Variants in KCNC4 observed in about 807,000 individuals in gnomAD.
The protein encoded by KCNC4 is potassium voltage-gated channel subfamily C member 4.
In KCNC4, 23 loss-of-function variants were observed where a neutral mutation model predicts 42.8. The observed-to-expected ratio is 0.54, with a 90% CI of 0.39 to 0.76. The LOEUF (loss-of-function observed/expected upper bound fraction) is 0.76. Among genes scored for constraint, KCNC4 ranks in the 30% least tolerant of loss-of-function variants. The pLI is 0.00. For synonymous variants in KCNC4, 422 were observed against 393.5 expected (o/e 1.07, Z -0.86); for missense variants, 751 against 898.2 (o/e 0.84, Z 2.10).
rs1388702517 is a variant in KCNC4 at position 110,222,964 on chromosome 1, G to A, written c.679G>A (p.Val227Ile). Reference protein sequence around the residue: ...EDPYSSRAARVVAFASLFFIL... With the variant: ...EDPYSSRAARIVAFASLFFIL... ...CCCTGCTCTCCTCCCCTGCCCATAG[G>A]TAGTGGCCTTTGCCTCTCTCTTCTT... Residue 227 changes from valine to isoleucine, a missense_variant and splice_region_variant, in exon 2 of 4, where the codon GTA (valine) becomes ATA (isoleucine). Val to Ile is a conservative substitution (Grantham distance 29, BLOSUM62 3). Transcript: ENST00000438661. 2 of 1,611,708 alleles carry A rather than the reference G, an allele frequency of 1.2e-6. No homozygotes were observed.
In KCNC4 at chr1:110,279,591, G is replaced by C. The variant is rs57851583; in HGVS notation, n.31-2943G>C. Among the ~76,000 whole-genome samples the C allele has an allele frequency of 3.9e-3, 593 of 152,286 alleles. 5 individuals are homozygous for C. Among genetic ancestry groups the C allele is most frequent in the African/African-American group, 0.013 (560 of 41,538 alleles). On this transcript the variant is annotated intron_variant and non_coding_transcript_variant, in intron 1 of 2. Coordinates refer to the KCNC4 transcript ENST00000412512. ...TGGATAGAGTGATCCTGGGAAAGGAGAGATTTGAAAGAGCAAAGATGATAT... is the reference window on the plus strand; with the variant it reads ...TGGATAGAGTGATCCTGGGAAAGGACAGATTTGAAAGAGCAAAGATGATAT...
chr1:110,242,800 G>A (rs1027683643), exon 4 of KCNC4: 2 of 152,228 alleles, frequency 1.3e-5, no homozygotes, highest in Non-Finnish European at 2.9e-5. Context: ...TTTTACAGGT[G>A]AGGAAACTGG....
chr1:110,249,238 T>G (rs1435203783), downstream of KCNC4: 2 of 152,206 alleles, frequency 1.3e-5, no homozygotes, highest in Non-Finnish European at 2.9e-5. Context: ...CAGGCCCCTT[T>G]TTTTCTGGGG....
intron 1 of KCNC4, chr1:110,220,670 CTG>C (rs1658049198): frequency 6.6e-6 from 1 of 152,226 alleles, no homozygotes; most frequent in South Asian, 2.1e-4. Context: ...CTCAACCACT[CTG>C]TTTTTCAGGA....
intron 1 of KCNC4, among the ~76,000 whole-genome samples, chr1:110,258,245 C>T (rs1659369326): frequency 6.6e-6 from 1 of 152,074 alleles, no homozygotes; most frequent in Admixed American, 6.6e-5. Context: ...TTGTTTCCTG[C>T]TTCTTTTTTT....
chr1:110,264,177 G>A (rs928450638), intron 1 of KCNC4, among the ~76,000 whole-genome samples: 8 of 152,218 alleles, frequency 5.3e-5, no homozygotes, highest in African/African-American at 1.4e-4. Context: ...GAAGTCCTCA[G>A]TGGCTTACAG....
chr1:110,268,392 G>A (rs938567212), intron 1 of KCNC4, among the ~76,000 whole-genome samples: 2 of 152,142 alleles, frequency 1.3e-5, no homozygotes, highest in Non-Finnish European at 2.9e-5. Context: ...CAGATCACGA[G>A]GTCAGGAGAT....
chr1:110,282,705 C>T (rs1441358050), intron 2 of KCNC4: 1 of 152,232 alleles, frequency 6.6e-6, no homozygotes, highest in East Asian at 1.9e-4. Flanking sequence ...CGAAGGGTTG[C>T]TGTGGACCAG....
Position 110,211,726 on chromosome 1 carries a change from C to T in KCNC4, c.227C>T (p.Thr76Ile), listed in dbSNP as rs1571018024. Residue 76 changes from threonine (T) to isoleucine (I), a missense_variant, in exon 1 of 4, where the codon ACC becomes ATC. Thr to Ile is a moderately conservative substitution (Grantham distance 89). This residue lies in a region of KCNC4 where 183 missense variants were observed against 255.8 expected (regional missense o/e 0.72). Coordinates refer to ENST00000438661, the MANE Select transcript of KCNC4 (RefSeq NM_001039574.3). This position sits in a 1 kb window ranked among gnomAD's most constrained non-coding sequence, Gnocchi z 6.5. ...CCCGACGGCGGGGGCCGGCCCGAGA[C>T]CGATGGCGGCGGTGTGGGTAGCAGC... ...ADPDGGGRPE[T>I]DGGGVGSSGS... 6.2e-7 allele frequency: 1 copy of T among 1,608,656 alleles called. No individual in the cohort carries two copies. The highest frequency in any genetic ancestry group is 1.1e-5 in the South Asian group (1 of 90,742).
In KCNC4 at chr1:110,213,170, TAAAAAAAAAAA is replaced by T. The variant is rs760587471; in HGVS notation, c.678+1010_678+1020del. Among the ~76,000 whole-genome samples the T allele has an allele frequency of 6.5e-4, 33 of 50,848 alleles. 1 individual carries two copies. In the South Asian group the frequency reaches 9.9e-3, roughly 15 times the overall value. 33.4% of individuals were successfully genotyped at this position (50,848 alleles called of 152,430 possible). ...GCTTCCCCCATTATGCTTCGACAGCTAAAAAAAAAAAAAAAAAAAAAAAAAAATCCCTGAAG... is the reference window on the plus strand; with the variant it reads ...GCTTCCCCCATTATGCTTCGACAGCTAAAAAAAAAAAAAAAATCCCTGAAG... On this transcript the variant is annotated intron_variant, in intron 1 of 3. Coordinates refer to ENST00000438661, the MANE Select transcript of KCNC4 (RefSeq NM_001039574.3).
intron 1 of KCNC4, among the ~76,000 whole-genome samples, chr1:110,215,855 G>C (rs1248508765): frequency 6.6e-6 from 1 of 152,222 alleles, no homozygotes; most frequent in Non-Finnish European, 1.5e-5. Flanking sequence ...CCAAACCTAG[G>C]TCTCATCAAT....
downstream of KCNC4, chr1:110,237,265 C>G (rs898218730): frequency 1.3e-5 from 2 of 152,202 alleles, no homozygotes; most frequent in Non-Finnish European, 2.9e-5. Context: ...GATCATACCA[C>G]TGCACTCCAG....
At chr1:110,228,114 C>T (rs990853170) in intron 3 of KCNC4, among the ~76,000 whole-genome samples, 4 of 152,178 alleles carry the variant, frequency 2.6e-5, no homozygotes, top group Admixed American at 1.3e-4. Flanking sequence ...TTCTCCACGC[C>T]GTACCGTGCC....
intron 2 of KCNC4, chr1:110,225,171 A>C (rs1658317865): frequency 6.6e-6 from 1 of 152,264 alleles, no homozygotes; most frequent in Non-Finnish European, 1.5e-5. Flanking sequence ...TCCTTAGGTC[A>C]GCTCCTCAAG....
intron 1 of KCNC4, among the ~76,000 whole-genome samples, chr1:110,219,403 C>T (rs573900672): frequency 6.6e-6 from 1 of 152,284 alleles, no homozygotes; most frequent in Admixed American, 6.5e-5. Context: ...ATAGAGGAAA[C>T]AGGTGCAGAA....
Position 110,212,127 on chromosome 1 carries a change from C to T in KCNC4, c.628C>T (p.Pro210Ser). 6.6e-7 allele frequency: 1 copy of T among 1,504,606 alleles called. No individual in the cohort carries two copies. The highest frequency in any genetic ancestry group is 8.7e-7 in the Non-Finnish European group (1 of 1,143,314). 93.2% of individuals were successfully genotyped at this position (1,504,606 alleles called of 1,614,324 possible). A position where few individuals can be genotyped will look rare whatever the true frequency, so the allele number is the denominator to read the frequency against. Reference sequence around the variant, plus strand: ...GTCTGGGGGCTGCCGCGGCTGGCAGCCCCGCATGTGGGCGCTCTTCGAGGA... The same window carrying T: ...GTCTGGGGGCTGCCGCGGCTGGCAGTCCCGCATGTGGGCGCTCTTCGAGGA... ...AGSGGCRGWQPRMWALFEDPY... is the reference protein window; with the variant it reads ...AGSGGCRGWQSRMWALFEDPY... Residue 210 changes from proline (P) to serine (S), a missense_variant, in exon 1 of 4, where the codon CCC becomes TCC. Pro to Ser is a moderately conservative substitution (Grantham distance 74). This residue lies in a region of KCNC4 where 181 missense variants were observed against 167.3 expected (regional missense o/e 1.08). Coordinates refer to ENST00000438661, the MANE Select transcript of KCNC4 (RefSeq NM_001039574.3).
At chr1:110,212,510 C>G (rs1009416761) in intron 1 of KCNC4, among the ~76,000 whole-genome samples, 10 of 152,298 alleles carry the variant, frequency 6.6e-5, no homozygotes, top group Admixed American at 6.5e-4. Flanking sequence ...GCCCTATCTT[C>G]AGCTGCCCTC....
At chr1:110,249,392 G>T (rs927698710), downstream of KCNC4, among the ~76,000 whole-genome samples, 1 of 152,196 alleles carries the variant, frequency 6.6e-6, no homozygotes, top group African/African-American at 2.4e-5. Context: ...AATTCCTTGA[G>T]GAGAGAAGCT....
chr1:110,231,451 T>G (rs944601497), intron 3 of KCNC4, among the ~76,000 whole-genome samples: 4 of 152,106 alleles, frequency 2.6e-5, no homozygotes, highest in Admixed American at 6.5e-5. Context: ...TCTAAGGCCA[T>G]TATCTCAGTA....
Sources: gnomAD v4.1 joint callset for allele counts (sites outside exome capture counted in the v4.1 genomes callset) on GRCh38, gnomAD v4.1.1 for gene constraint, gnomAD v4.1.1 regional missense constraint, Gnocchi (gnomAD v3.1) non-coding constraint, MANE v1.5 for transcripts, NCBI Gene and HGNC (gene_info 2026-07-23, HGNC 2026-07-21) for gene names.